MRPS22: variants seen among roughly 807,000 people sequenced by gnomAD.
MRPS22 encodes mitochondrial ribosomal protein S22, also known as small ribosomal subunit protein mS22.
MRPS22 carries 30 observed loss-of-function variants against 44.0 expected under a neutral mutation model. The observed-to-expected ratio is 0.68, with a 90% confidence interval of 0.51 to 0.93. The LOEUF (loss-of-function observed/expected upper bound fraction) is 0.93, where lower values mean the gene tolerates loss of function less well. Ranked by LOEUF, MRPS22 falls within the 40% of genes least tolerant of loss-of-function variation. The pLI, the probability that MRPS22 is intolerant of heterozygous loss-of-function variation, is 0.00. For synonymous variants in MRPS22, 165 were observed against 154.4 expected, an observed-to-expected ratio of 1.07 and a Z score of -0.51; for missense variants, 447 against 447.8, an observed-to-expected ratio of 1.00 and a Z score of 0.02.
chr3:139,346,736 A>G (rs1941044280), intron 1 of MRPS22, 142 bp from the exon 2 acceptor site: 7 of 753,576 alleles, frequency 9.3e-6, no homozygotes, highest in Middle Eastern at 6.2e-4. Flanking sequence ...AAATAAATGA[A>G]TGCATCTCAT....
chr3:139,347,922 C>G (rs570355692), intron 2 of MRPS22, among the ~76,000 whole-genome samples: 2 of 152,332 alleles, frequency 1.3e-5, no homozygotes, highest in East Asian at 3.9e-4. Flanking sequence ...GGCTTTGTCT[C>G]AGAGCATGCC....
In MRPS22 at chr3:139,352,769, G is replaced by A; in HGVS notation, c.855G>A (p.Leu285=). 1 of 1,613,562 alleles carries A rather than the reference G, an allele frequency of 6.2e-7. No homozygotes were observed. Among genetic ancestry groups the A allele is most frequent in the East Asian group, 2.2e-5 (1 of 44,838 alleles). The part of the protein sequence containing the change: ...FVNNKKIDGL[L]IDQIQRDLID... ...ATAATAAAAAGATTGATGGTTTGCTGATTGACCAGATTCAGAGAGATTTGT... is the reference window on the plus strand; with the variant it reads ...ATAATAAAAAGATTGATGGTTTGCTAATTGACCAGATTCAGAGAGATTTGT... Residue 285 remains leucine, a synonymous_variant, in exon 6 of 8, where the codon CTG becomes CTA. Transcript: ENST00000680020.
At chr3:139,347,136 T>C in intron 2 of MRPS22, 92 bp downstream of exon 2, 2 of 1,399,838 alleles carry the variant, frequency 1.4e-6, no homozygotes, top group Non-Finnish European at 2.0e-6. Flanking sequence ...TAGCTATTCT[T>C]CCATAGGCAC....
At chr3:139,347,544 TA>T (rs1271867751) in intron 2 of MRPS22, among the ~76,000 whole-genome samples, 15 of 152,160 alleles carry the variant, frequency 9.9e-5, no homozygotes, top group African/African-American at 3.6e-4. Context: ...GTCAGCAAAA[TA>T]TATATATCTC....
intron 2 of MRPS22, among the ~76,000 whole-genome samples, chr3:139,347,549 A>G (rs936212337): frequency 6.6e-6 from 1 of 152,222 alleles, no homozygotes; most frequent in Non-Finnish European, 1.5e-5. Context: ...CAAAATATAT[A>G]TATCTCTCTC....
intron 2 of MRPS22, among the ~76,000 whole-genome samples, chr3:139,347,366 T>C (rs1941059486): frequency 6.6e-6 from 1 of 152,098 alleles, no homozygotes; most frequent in African/African-American, 2.4e-5. Context: ...GTGATCTGCC[T>C]TGGGGCTGAA....
intron 6 of MRPS22, among the ~76,000 whole-genome samples, chr3:139,353,094 G>A (rs1028966432): frequency 6.6e-6 from 1 of 152,170 alleles, no homozygotes; most frequent in Admixed American, 6.5e-5. Context: ...TCCAGATACC[G>A]AAAGGGGGAT....
intron 7 of MRPS22, among the ~76,000 whole-genome samples, chr3:139,356,591 G>GT (rs1553775767): frequency 6.6e-6 from 1 of 152,140 alleles, no homozygotes; most frequent in African/African-American, 2.4e-5. Context: ...AGTTAGTTTG[G>GT]TAACTCTTAG....
chr3:139,354,278 T>C (rs181147337), intron 6 of MRPS22, among the ~76,000 whole-genome samples: 68 of 152,364 alleles, frequency 4.5e-4, no homozygotes, highest in African/African-American at 1.6e-3. Flanking sequence ...CTTTTCGAAA[T>C]ATAATTTATT....
chr3:139,349,162 G>T (rs1396596197), intron 3 of MRPS22: 1 of 332,068 alleles, frequency 3.0e-6, no homozygotes, highest in Non-Finnish European at 5.9e-6. Context: ...TTTTTGTTTT[G>T]TGATGCTTTA....
At chr3:139,353,786 G>C (rs1941194924) in intron 6 of MRPS22, among the ~76,000 whole-genome samples, 1 of 152,058 alleles carries the variant, frequency 6.6e-6, no homozygotes, top group Non-Finnish European at 1.5e-5. Context: ...CCATAATTGG[G>C]GGCTGGTGTT....
Position 139,350,138 on chromosome 3 carries a change from G to A in MRPS22, c.505-41G>A, listed in dbSNP as rs149021264. On this transcript the variant is annotated intron_variant, in intron 3 of 7. Transcript: ENST00000680020. ...AGTGGGACACAGGAACTAAAAATACGTCCTCACAAACGCATCCTTGATTAT... is the reference window on the plus strand; with the variant it reads ...AGTGGGACACAGGAACTAAAAATACATCCTCACAAACGCATCCTTGATTAT... 786 of 1,612,814 alleles carry A rather than the reference G, an allele frequency of 4.9e-4. 2 individuals are homozygous for A. In the African/African-American group the frequency reaches 8.5e-3, roughly 17 times the overall value.
intron 5 of MRPS22, chr3:139,351,295 T>C: frequency 2.0e-6 from 1 of 504,592 alleles, no homozygotes; most frequent in Non-Finnish European, 3.6e-6. Flanking sequence ...GAAAGTTGCA[T>C]AGCTACTAAG....
chr3:139,353,373 G>T (rs1941186429), intron 6 of MRPS22, among the ~76,000 whole-genome samples: 1 of 152,166 alleles, frequency 6.6e-6, no homozygotes, highest in Non-Finnish European at 1.5e-5. Context: ...AAACTGAAGA[G>T]AAAATAGTTT....
intron 3 of MRPS22, among the ~76,000 whole-genome samples, chr3:139,349,805 A>C (rs965439915): frequency 1.3e-5 from 2 of 152,224 alleles, no homozygotes; most frequent in African/African-American, 4.8e-5. Context: ...TAGATCATAA[A>C]GTAGTAAAAT....
chr3:139,348,063 C>T, intron 2 of MRPS22, 97 bp from the exon 3 acceptor site: 3 of 1,280,216 alleles, frequency 2.3e-6, no homozygotes, highest in South Asian at 2.6e-5. Flanking sequence ...CTTTTCTATG[C>T]AGGTTTTTGC....
At chr3:139,345,476 G>T (rs1241064706) in intron 1 of MRPS22, among the ~76,000 whole-genome samples, 1 of 139,562 alleles carries the variant, frequency 7.2e-6, no homozygotes, top group Non-Finnish European at 1.6e-5. Context: ...TGTAAAATTG[G>T]GATAATCTTC....
In MRPS22 at chr3:139,352,773, G is replaced by T. The variant is rs1705786832; in HGVS notation, c.859G>T (p.Asp287Tyr). The change falls in exon 6 of 8, where the codon GAC (aspartate) becomes TAC (tyrosine). Residue 287 changes from aspartate to tyrosine, a missense_variant. By Grantham distance (160) the Asp-to-Tyr change is radical (BLOSUM62 -3). Coordinates refer to ENST00000680020, the MANE Select transcript of MRPS22 (RefSeq NM_020191.4). The part of the protein sequence containing the change: ...NNKKIDGLLI[D>Y]QIQRDLIDDA... ...TAAAAAGATTGATGGTTTGCTGATT[G>T]ACCAGATTCAGAGAGATTTGTAAGT... 6 of 1,613,350 alleles carry T rather than the reference G, an allele frequency of 3.7e-6. No homozygotes were observed. The South Asian group carries it at 5.5e-5, about 15-fold the overall frequency.
intron 2 of MRPS22, 123 bp from the exon 3 acceptor site, chr3:139,348,036 AT>A: frequency 9.7e-7 from 1 of 1,030,624 alleles, no homozygotes; most frequent in Non-Finnish European, 1.4e-6. Context: ...TTACTCACTG[AT>A]TTGTGGCTAC....
Sources: gnomAD v4.1 joint callset for allele counts (sites outside exome capture counted in the v4.1 genomes callset) on GRCh38, gnomAD v4.1.1 for gene constraint, MANE v1.5 for transcripts, NCBI Gene and HGNC (gene_info 2026-07-23, HGNC 2026-07-21) for gene names.